Variants in APAF1 observed in about 807,000 individuals in gnomAD.
APAF1 encodes apoptotic peptidase activating factor 1.
A neutral mutation model predicts 152.4 loss-of-function variants in APAF1; 91 were observed. The ratio of observed to expected loss-of-function variants is 0.60; its 90% CI spans 0.50 to 0.71. APAF1 has a LOEUF of 0.71. Ranked by LOEUF, APAF1 falls within the 30% of genes least tolerant of loss-of-function variation. The pLI, the probability that APAF1 is intolerant of heterozygous loss-of-function variation, is 0.00. For synonymous variants in APAF1, 484 were observed against 494.1 expected (o/e 0.98, Z 0.27); for missense variants, 1,283 against 1,472.0 (o/e 0.87, Z 2.10).
At chr12:98,676,391 T>C (rs1183370931) in intron 12 of APAF1, among the ~76,000 whole-genome samples, 1 of 151,714 alleles carries the variant, frequency 6.6e-6, no homozygotes, top group Non-Finnish European at 1.5e-5. Flanking sequence ...GTATTTTTAG[T>C]AGAGATGGGG....
chr12:98,662,617 A>G (rs757360181), intron 6 of APAF1, 49 bp downstream of exon 6: 1 of 1,597,346 alleles, frequency 6.3e-7, no homozygotes, highest in Non-Finnish European at 8.6e-7. Context: ...TAATTTAATT[A>G]CATTTAAATA....
In APAF1 at chr12:98,659,154, C is replaced by T. The variant is rs754755261; in HGVS notation, c.527-6C>T. ...GCCTTAAGTTCATTATTCTTTCCCT[C>T]ACTAGGTTGTTTCCCAGGGGGAGTG... On this transcript the variant is annotated splice_polypyrimidine_tract_variant and splice_region_variant and intron_variant, in intron 4 of 26. Transcript: ENST00000551964. 4 of 1,614,022 alleles carry T rather than the reference C, an allele frequency of 2.5e-6. No individual in the cohort carries two copies. The highest frequency in any genetic ancestry group is 3.4e-6 in the Non-Finnish European group (4 of 1,179,906).
At chr12:98,652,631 T>G (rs2097650339) in intron 4 of APAF1, among the ~76,000 whole-genome samples, 1 of 151,836 alleles carries the variant, frequency 6.6e-6, no homozygotes, top group South Asian at 2.1e-4. Context: ...TTTTATTTTA[T>G]TTTATTTTTT....
At chr12:98,669,520 T>A (rs967612037) in intron 10 of APAF1, among the ~76,000 whole-genome samples, 1 of 152,214 alleles carries the variant, frequency 6.6e-6, no homozygotes, top group African/African-American at 2.4e-5. Flanking sequence ...ATAGAAATAG[T>A]CTCATATATT....
intron 17 of APAF1, 28 bp from the exon 18 acceptor site, chr12:98,703,343 T>G: frequency 6.2e-7 from 1 of 1,613,128 alleles, no homozygotes; most frequent in Non-Finnish European, 8.5e-7. Context: ...TATTTTACCT[T>G]CATAGGTATC....
At chr12:98,703,010 A>G (rs912546903) in intron 17 of APAF1, among the ~76,000 whole-genome samples, 15 of 152,280 alleles carry the variant, frequency 9.9e-5, no homozygotes, top group East Asian at 7.7e-4. Context: ...TATTATTTTG[A>G]TCATCTTCAT....
chr12:98,683,082 C>A (rs1593062674), intron 14 of APAF1, 61 bp from the exon 15 acceptor site: 2 of 1,352,240 alleles, frequency 1.5e-6, no homozygotes, highest in Non-Finnish European at 2.1e-6. Context: ...CATTGCTTTG[C>A]CCCTCTGTTC....
intron 18 of APAF1, among the ~76,000 whole-genome samples, chr12:98,705,174 C>G (rs994472041): frequency 6.6e-6 from 1 of 152,052 alleles, no homozygotes; most frequent in Admixed American, 6.6e-5. Context: ...CCTCTTTCAG[C>G]CTTTCTTGTC....
At position 98,667,519 on chromosome 12, in the gene APAF1, C is replaced by A; in HGVS notation, c.1369C>A (p.His457Asn). 2 of 1,613,702 alleles carry A rather than the reference C, an allele frequency of 1.2e-6. No individual in the cohort carries two copies. Among genetic ancestry groups the A allele is most frequent in the Non-Finnish European group, 1.7e-6 (2 of 1,179,890 alleles). The change falls in exon 10 of 27, where the codon CAT becomes AAT. Residue 457 changes from histidine to asparagine, a missense_variant. Coordinates refer to ENST00000551964, the MANE Select transcript of APAF1 (RefSeq NM_181861.2). Reference protein sequence around the residue: ...EKNCSQLQDLHKKIITQFQRY... With the variant: ...EKNCSQLQDLNKKIITQFQRY... ...ACGTTTCATTGGGTTGCAGGATCTA[C>A]ATAAGAAGATAATCACTCAGTTTCA...
intron 4 of APAF1, among the ~76,000 whole-genome samples, chr12:98,655,548 TTAAAAA>T (rs1448708215): frequency 1.3e-5 from 2 of 152,234 alleles, no homozygotes; most frequent in African/African-American, 2.4e-5. Context: ...GTATTTTCAT[TTAAAAA>T]GAAAAAGAAA....
intron 14 of APAF1, among the ~76,000 whole-genome samples, chr12:98,682,385 A>G (rs1485994084): frequency 6.6e-6 from 1 of 152,164 alleles, no homozygotes; most frequent in Non-Finnish European, 1.5e-5. Flanking sequence ...ACTGAACACT[A>G]TAAGAGGCTA....
chr12:98,722,801 T>A lies in APAF1; in HGVS notation c.3085-392T>A, dbSNP rs150784677. Among the ~76,000 whole-genome samples, 698 of 152,316 alleles carry A rather than the reference T, an allele frequency of 4.6e-3. 7 individuals are homozygous for A. The highest frequency in any genetic ancestry group is 0.016 in the African/African-American group (653 of 41,576). On this transcript the variant is annotated intron_variant, in intron 22 of 26. Transcript: ENST00000551964. ...GGCCAGCTTCAGTGGGGCCAGGATC[T>A]GTAGACTTCCCCAGCTTGTAGGTTC...
At chr12:98,672,930 T>A (rs2097682137) in intron 12 of APAF1, among the ~76,000 whole-genome samples, 1 of 150,690 alleles carries the variant, frequency 6.6e-6, no homozygotes, top group Admixed American at 6.6e-5. Flanking sequence ...GATTTTGTAT[T>A]TTTTTTTAGT....
Position 98,649,526 on chromosome 12 carries a change from C to A in APAF1, c.368C>A (p.Pro123Gln). Residue 123 changes from proline to glutamine, a missense_variant, in exon 4 of 27, where the codon CCA becomes CAA. Transcript: ENST00000551964. ...VLCEGGVPQR[P>Q]VVFVTRKKLV... ...TGTGAAGGTGGAGTACCACAGAGGC[C>A]AGTTGTTTTTGTCACAAGGAAGAAG... 1 of 1,614,116 alleles carries A rather than the reference C, an allele frequency of 6.2e-7. No homozygotes were observed. Among genetic ancestry groups the A allele is most frequent in the East Asian group, 2.2e-5 (1 of 44,886 alleles).
chr12:98,712,302 G>A lies in APAF1; in HGVS notation c.2842-17G>A, dbSNP rs1246344723. 1 of 1,451,684 alleles carries A rather than the reference G, an allele frequency of 6.9e-7. No individual in the cohort carries two copies. Among genetic ancestry groups the A allele is most frequent in the African/African-American group, 1.4e-5 (1 of 71,662 alleles). 89.9% of individuals were successfully genotyped at this position (1,451,684 alleles called of 1,614,324 possible). On this transcript the variant is annotated splice_polypyrimidine_tract_variant and intron_variant, in intron 20 of 26. Coordinates refer to ENST00000551964, the MANE Select transcript of APAF1 (RefSeq NM_181861.2). ...CTCTTACAGCCTAATAACTGATTTT[G>A]CCTCATTTTTCATTAGCTCATTAAT... is the stretch of plus-strand genomic sequence containing the variant.
At position 98,665,144 on chromosome 12, in the gene APAF1, C is replaced by T. The variant is rs562017726; in HGVS notation, c.956-409C>T. On this transcript the variant is annotated intron_variant, in intron 7 of 26. Coordinates refer to ENST00000551964, the MANE Select transcript of APAF1 (RefSeq NM_181861.2). ...TCCTGGGCTGAAGCAATCCTCCCAC[C>T]TCAGCCTCCTAAGTAGCCGGCACTA... 7.1e-3 allele frequency among the ~76,000 whole-genome samples: 1,080 copies of T among 151,610 alleles called. 6 individuals carry two copies. The highest frequency in any genetic ancestry group is 0.011 in the Non-Finnish European group (769 of 67,914).
At chr12:98,721,890 C>T (rs12368428) in intron 22 of APAF1, among the ~76,000 whole-genome samples, 3 of 152,032 alleles carry the variant, frequency 2.0e-5, no homozygotes, top group Non-Finnish European at 4.4e-5. Context: ...TTAGCATTGG[C>T]CAATAAAAAG....
intron 16 of APAF1, among the ~76,000 whole-genome samples, chr12:98,691,993 T>C (rs1326984445): frequency 6.6e-6 from 1 of 152,174 alleles, no homozygotes; most frequent in African/African-American, 2.4e-5. Flanking sequence ...CTGCTAGTTG[T>C]TGTCACTTAA....
Position 98,726,575 on chromosome 12 carries a change from C to G in APAF1, c.3457-598C>G, listed in dbSNP as rs1304955095. The G allele has an allele frequency of 2.0e-5, 3 of 153,780 alleles. 1 individual carries two copies. The highest frequency in any genetic ancestry group is 4.1e-4 in the South Asian group (2 of 4,914). The allele number at this position is 153,780 out of a possible 1,614,324, so 9.5% of individuals were successfully genotyped here. On this transcript the variant is annotated intron_variant, in intron 25 of 26. Transcript: ENST00000551964. ...TTGAGGACTAAGTAACCAACCTTCT[C>G]TCTACCAGTCACATAAATGTGTGTC...
Sources: gnomAD v4.1 joint callset for allele counts (sites outside exome capture counted in the v4.1 genomes callset) on GRCh38, gnomAD v4.1.1 for gene constraint, MANE v1.5 for transcripts, NCBI Gene and HGNC (gene_info 2026-07-23, HGNC 2026-07-21) for gene names.